ADCY2: variants seen among roughly 807,000 people sequenced by gnomAD.
ADCY2 encodes adenylate cyclase 2.
In ADCY2, 31 loss-of-function variants were observed where a neutral mutation model predicts 125.2. The ratio of observed to expected loss-of-function variants is 0.25; its 90% CI spans 0.19 to 0.33. The LOEUF (loss-of-function observed/expected upper bound fraction) is 0.33, where lower values mean the gene tolerates loss of function less well. Ranked by LOEUF, ADCY2 falls within the 10% of genes least tolerant of loss-of-function variation. ADCY2 has a pLI of 1.00. For synonymous variants in ADCY2, 512 were observed against 548.4 expected (o/e 0.93, Z 0.93); for missense variants, 904 against 1,418.2 (o/e 0.64, Z 5.82).
chr5:7,681,939 A>G (rs114919261), intron 4 of ADCY2, among the ~76,000 whole-genome samples: 1,842 of 152,278 alleles, frequency 0.012, 29 homozygotes, highest in African/African-American at 0.033. Context: ...TCCTGGGTAA[A>G]GTTTAGCAAA....
chr5:7,717,448 A>C (rs537302361), intron 12 of ADCY2, among the ~76,000 whole-genome samples: 1 of 152,278 alleles, frequency 6.6e-6, no homozygotes, highest in East Asian at 1.9e-4. Context: ...AAATATTCCC[A>C]AGTTGATTGC....
chr5:7,713,004 G>T, intron 11 of ADCY2, 105 bp downstream of exon 11: 1 of 818,492 alleles, frequency 1.2e-6, no homozygotes, highest in South Asian at 1.7e-5. Flanking sequence ...TTCTGAAAGA[G>T]CAGCTCCCCC....
At chr5:7,443,161 A>T (rs904824450) in intron 2 of ADCY2, among the ~76,000 whole-genome samples, 1 of 151,966 alleles carries the variant, frequency 6.6e-6, no homozygotes, top group African/African-American at 2.4e-5. Context: ...GCTCCATGTC[A>T]TTGTTTTCAT....
At chr5:7,762,434 G>A (rs1324250882) in intron 16 of ADCY2, among the ~76,000 whole-genome samples, 2 of 152,204 alleles carry the variant, frequency 1.3e-5, no homozygotes, top group Non-Finnish European at 2.9e-5. Flanking sequence ...TGAGGCAGAG[G>A]CAGTGCCCGG....
Position 7,577,281 on chromosome 5 carries a change from A to G in ADCY2, c.571-48886A>G, listed in dbSNP as rs562235150. On this transcript the variant is annotated intron_variant, in intron 3 of 24. Coordinates refer to ENST00000338316, the MANE Select transcript of ADCY2 (RefSeq NM_020546.3). Reference sequence around the variant, plus strand: ...TTTCAATTTGAATTTCATATCAGATATATTACCAAAAAAAGTAAGATAGTC... The same window carrying G: ...TTTCAATTTGAATTTCATATCAGATGTATTACCAAAAAAAGTAAGATAGTC... Among the ~76,000 whole-genome samples, 4 of 152,298 alleles carry G rather than the reference A, an allele frequency of 2.6e-5. No individual in the cohort carries two copies. The South Asian group carries it at 8.3e-4, about 32-fold the overall frequency.
At chr5:7,706,946 A>T (rs1482019413) in intron 8 of ADCY2, 44 bp downstream of exon 8, 5 of 1,609,028 alleles carry the variant, frequency 3.1e-6, no homozygotes, top group Non-Finnish European at 4.2e-6. Flanking sequence ...AGGCAGAACT[A>T]TTAGGAATGA....
chr5:7,614,576 G>T (rs1226907941), intron 3 of ADCY2, among the ~76,000 whole-genome samples: 2 of 152,194 alleles, frequency 1.3e-5, no homozygotes, highest in African/African-American at 2.4e-5. Flanking sequence ...TGAACTTGGG[G>T]TGGGTGGTCC....
intron 2 of ADCY2, among the ~76,000 whole-genome samples, chr5:7,510,296 C>G (rs935063078): frequency 2.0e-5 from 3 of 152,192 alleles, no homozygotes; most frequent in Non-Finnish European, 4.4e-5. Context: ...TAGCGCCAGA[C>G]TTTGAGTAGA....
chr5:7,728,678 A>G (rs950833285), intron 14 of ADCY2, among the ~76,000 whole-genome samples: 3 of 152,224 alleles, frequency 2.0e-5, no homozygotes, highest in Non-Finnish European at 4.4e-5. Flanking sequence ...CATACGTGAA[A>G]TAACTATTAC....
intron 2 of ADCY2, among the ~76,000 whole-genome samples, chr5:7,501,373 A>T (rs534289420): frequency 2.6e-5 from 4 of 152,338 alleles, no homozygotes; most frequent in African/African-American, 9.6e-5. Context: ...ACCTTGAGGC[A>T]TAAGATGGTG....
intron 4 of ADCY2, among the ~76,000 whole-genome samples, chr5:7,644,041 C>T (rs922840841): frequency 6.6e-6 from 1 of 151,972 alleles, no homozygotes; most frequent in African/African-American, 2.4e-5. Context: ...ATTCCAGTTT[C>T]TCTTATTTTA....
chr5:7,685,469 T>A (rs1467310439), intron 4 of ADCY2, among the ~76,000 whole-genome samples: 1 of 152,240 alleles, frequency 6.6e-6, no homozygotes, highest in East Asian at 1.9e-4. Flanking sequence ...CAGAGCCATT[T>A]CTACTGCGAT....
chr5:7,411,688 A>C (rs1048594241), intron 1 of ADCY2, among the ~76,000 whole-genome samples: 10 of 152,326 alleles, frequency 6.6e-5, no homozygotes, highest in Admixed American at 1.3e-4. Flanking sequence ...TAGAGAGTTT[A>C]CAATTTAGAA....
At chr5:7,632,476 G>T (rs532548472) in intron 4 of ADCY2, among the ~76,000 whole-genome samples, 1 of 151,982 alleles carries the variant, frequency 6.6e-6, no homozygotes, top group East Asian at 1.9e-4. Context: ...CTCTTCCCCA[G>T]TGCAGAGGGC....
Position 7,757,516 on chromosome 5 carries a change from G to A in ADCY2, c.2024G>A (p.Arg675His), listed in dbSNP as rs368291995. The A allele has an allele frequency of 9.7e-5, 156 of 1,613,736 alleles. No homozygotes were observed. The highest frequency in any genetic ancestry group is 1.2e-4 in the Non-Finnish European group (138 of 1,179,964). ...LLKSSGIIAN[R>H]PWPRISLTII... The stretch of plus-strand genomic sequence containing the variant: ...AAGTCCTCGGGCATCATTGCCAACC[G>A]CCCCTGGCCACGGATCTCTCTCACG... The change falls in exon 16 of 25, where the codon CGC becomes CAC. Residue 675 changes from arginine (R) to histidine (H), a missense_variant. Transcript: ENST00000338316.
At chr5:7,472,671 C>A (rs1742384113) in intron 2 of ADCY2, among the ~76,000 whole-genome samples, 2 of 152,192 alleles carry the variant, frequency 1.3e-5, no homozygotes, top group Admixed American at 6.5e-5. Context: ...AATTAGCATA[C>A]CTCTCCTTTA....
At chr5:7,429,553 A>T (rs1349922134) in intron 2 of ADCY2, among the ~76,000 whole-genome samples, 1 of 152,250 alleles carries the variant, frequency 6.6e-6, no homozygotes, top group Non-Finnish European at 1.5e-5. Context: ...TTGTTATGAT[A>T]CAAAGTATGT....
At chr5:7,519,490 C>A (rs930177256) in intron 2 of ADCY2, among the ~76,000 whole-genome samples, 3 of 152,160 alleles carry the variant, frequency 2.0e-5, no homozygotes, top group Admixed American at 2.0e-4. Flanking sequence ...ATGTCCCATT[C>A]CCTATTTCCC....
chr5:7,743,188 T>C (rs1463502906), intron 14 of ADCY2, among the ~76,000 whole-genome samples: 1 of 151,934 alleles, frequency 6.6e-6, no homozygotes, highest in Admixed American at 6.6e-5. Context: ...ACAAAATAGG[T>C]TGAATCTGGT....
Sources: gnomAD v4.1 joint callset for allele counts (sites outside exome capture counted in the v4.1 genomes callset) on GRCh38, gnomAD v4.1.1 for gene constraint, MANE v1.5 for transcripts, NCBI Gene and HGNC (gene_info 2026-07-23, HGNC 2026-07-21) for gene names.